Variants in SLC34A2 observed in about 807,000 individuals in gnomAD.
SLC34A2 encodes sodium-dependent phosphate transport protein 2B.
A neutral mutation model predicts 50.8 loss-of-function variants in SLC34A2; 41 were observed. The ratio of observed to expected loss-of-function variants is 0.81; its 90% CI spans 0.63 to 1.05. SLC34A2 has a LOEUF of 1.05. Among genes scored for constraint, SLC34A2 ranks in the 50% least tolerant of loss-of-function variants. SLC34A2 has a pLI of 0.00. For missense variants in SLC34A2, 879 were observed against 876.7 expected, an observed-to-expected ratio of 1.00 and a Z score of -0.03; for synonymous variants, 401 against 364.2, an observed-to-expected ratio of 1.10 and a Z score of -1.15.
chr4:25,661,999 A>C (rs1577490571), intron 1 of SLC34A2, among the ~76,000 whole-genome samples: 1 of 151,834 alleles, frequency 6.6e-6, no homozygotes. Context: ...CAGCCTCCCG[A>C]GTAGCTGGGA....
Position 25,669,985 on chromosome 4 carries a change from G to A in SLC34A2, c.831+143G>A. 3 of 799,940 alleles carry A rather than the reference G, an allele frequency of 3.8e-6. No individual in the cohort carries two copies. The South Asian group carries it at 4.4e-5, about 12-fold the overall frequency. 49.6% of individuals were successfully genotyped at this position (799,940 alleles called of 1,614,324 possible). A position where few individuals can be genotyped will look rare whatever the true frequency, so the allele number is the denominator to read the frequency against. On this transcript the variant is annotated intron_variant, in intron 7 of 12. Transcript: ENST00000382051. The stretch of plus-strand genomic sequence containing the variant: ...CCCTTGTTTTCCCAGCACTTTGGGA[G>A]GCCGAGGCAGGTGGATTGCTTGAGG...
At chr4:25,658,389 C>T (rs1470966117) in intron 1 of SLC34A2, among the ~76,000 whole-genome samples, 1 of 152,128 alleles carries the variant, frequency 6.6e-6, no homozygotes, top group Non-Finnish European at 1.5e-5. Context: ...CCCTGGGCTT[C>T]CTCCTCTCCC....
At chr4:25,656,173 G>A (rs1713870494) in intron 1 of SLC34A2, among the ~76,000 whole-genome samples, 1 of 152,172 alleles carries the variant, frequency 6.6e-6, no homozygotes, top group Non-Finnish European at 1.5e-5. Flanking sequence ...TGAGAGTCGT[G>A]GTTTGGAAGA....
intron 4 of SLC34A2, chr4:25,665,228 G>A (rs573899620): frequency 6.7e-5 from 12 of 179,544 alleles, no homozygotes; most frequent in East Asian, 1.8e-4. Flanking sequence ...GTGCATTGGC[G>A]TGATCTCAGC....
At position 25,676,732 on chromosome 4, in the gene SLC34A2, G is replaced by A. The variant is rs747570357; in HGVS notation, c.2056G>A (p.Glu686Lys). ...GGTCCCTGCCTCGGACTCAAAGACC[G>A]AATGCACGGCCTTGTAGGGGACGCC... ...GEVPASDSKTECTAL is the reference protein window; with the variant it reads ...GEVPASDSKTKCTAL Residue 686 changes from glutamate to lysine, a missense_variant, in exon 13 of 13, where the codon GAA (glutamate) becomes AAA (lysine). Coordinates refer to ENST00000382051, the MANE Select transcript of SLC34A2 (RefSeq NM_006424.3). 26 of 1,614,150 alleles carry A rather than the reference G, an allele frequency of 1.6e-5. No individual in the cohort carries two copies. In the Middle Eastern group the frequency reaches 1.5e-3, roughly 92 times the overall value.
In SLC34A2 at chr4:25,669,624, CTGTCGGGGT is replaced by C. The variant is rs1714704682; in HGVS notation, c.636-21_636-13del. 6.2e-7 allele frequency: 1 copy of C among 1,611,862 alleles called. No homozygotes were observed. Among genetic ancestry groups the C allele is most frequent in the Non-Finnish European group, 8.5e-7 (1 of 1,178,966 alleles). On this transcript the variant is annotated splice_polypyrimidine_tract_variant and intron_variant, in intron 6 of 12. Transcript: ENST00000382051. The stretch of plus-strand genomic sequence containing the variant: ...CCCACTTGCTTAGTGACTAATCTGG[CTGTCGGGGT>C]TTCCCTCCCATAGAGCTTTTGCAGG...
Position 25,662,725 on chromosome 4 carries a change from G to C in SLC34A2, c.133G>C (p.Val45Leu). The change falls in exon 3 of 13, where the codon GTA (valine) becomes CTA (leucine). Residue 45 changes from valine (V) to leucine (L), a missense_variant. Physicochemically the swap from Val to Leu is conservative, Grantham distance 32. Coordinates refer to ENST00000382051, the MANE Select transcript of SLC34A2 (RefSeq NM_006424.3). ...TNKTDNTEAP[V>L]TKIELLPSYS... Reference sequence around the variant, plus strand: ...TTCAGCAGATAACACTGAGGCACCTGTAACCAAGATTGAACTTCTGCCGTC... The same window carrying C: ...TTCAGCAGATAACACTGAGGCACCTCTAACCAAGATTGAACTTCTGCCGTC... The C allele has an allele frequency of 1.2e-6, 2 of 1,614,108 alleles. No individual in the cohort carries two copies. The highest frequency in any genetic ancestry group is 1.1e-5 in the South Asian group (1 of 91,076).
At chr4:25,655,943 ATTC>A (rs1713856824) in intron 1 of SLC34A2, 53 bp downstream of exon 1, 1 of 152,218 alleles carries the variant, frequency 6.6e-6, no homozygotes, top group South Asian at 2.1e-4. Flanking sequence ...AAGGACTTTG[ATTC>A]ACTTAATTCT....
intron 4 of SLC34A2, chr4:25,664,935 A>C: frequency 4.3e-6 from 1 of 232,054 alleles, no homozygotes. Flanking sequence ...TCTATCAAAC[A>C]TTCTTTCCCA....
intron 1 of SLC34A2, 34 bp from the exon 2 acceptor site, chr4:25,662,464 T>G (rs774592230): frequency 2.6e-5 from 42 of 1,586,896 alleles, no homozygotes; most frequent in Non-Finnish European, 3.6e-5. Context: ...CTCCTTTCCA[T>G]GACTGCTGCT....
intron 9 of SLC34A2, among the ~76,000 whole-genome samples, chr4:25,672,039 C>T (rs994603470): frequency 6.6e-6 from 1 of 152,120 alleles, no homozygotes; most frequent in Non-Finnish European, 1.5e-5. Flanking sequence ...TTCCTTTAGT[C>T]AATAACTCTA....
intron 1 of SLC34A2, among the ~76,000 whole-genome samples, chr4:25,661,579 G>C (rs766654354): frequency 3.3e-5 from 5 of 152,042 alleles, no homozygotes; most frequent in Non-Finnish European, 5.9e-5. Flanking sequence ...GTAGAGACAG[G>C]GTTTTGACAC....
rs750598263 is a variant in SLC34A2 at position 25,667,925 on chromosome 4, T to A, written c.569T>A (p.Ile190Asn). ...ATCCCCATTATCATGGGGGCCAACATTGGAACGTCAATCACCAACACTATT... is the reference window on the plus strand; with the variant it reads ...ATCCCCATTATCATGGGGGCCAACAATGGAACGTCAATCACCAACACTATT... ...AAIPIIMGAN[I>N]GTSITNTIVA... is the part of the protein sequence containing the mutation. The change falls in exon 6 of 13, where the codon ATT (isoleucine) becomes AAT (asparagine). Residue 190 changes from isoleucine (I) to asparagine (N), a missense_variant. By Grantham distance (149) the Ile-to-Asn change is moderately radical. Transcript: ENST00000382051. The A allele has an allele frequency of 8.1e-6, 13 of 1,613,976 alleles. No individual in the cohort carries two copies. Among genetic ancestry groups the A allele is most frequent in the Non-Finnish European group, 1.1e-5 (13 of 1,179,960 alleles).
At position 25,662,523 on chromosome 4, in the gene SLC34A2, G is replaced by A. The variant is rs1714251389; in HGVS notation, c.23G>A (p.Gly8Glu). 6.2e-7 allele frequency: 1 copy of A among 1,614,020 alleles called. No individual in the cohort carries two copies. The highest frequency in any genetic ancestry group is 8.5e-7 in the Non-Finnish European group (1 of 1,180,004). Residue 8 changes from glycine (G) to glutamate (E), a missense_variant, in exon 2 of 13, where the codon GGA (glycine) becomes GAA (glutamate). Physicochemically the swap from Gly to Glu is moderately conservative, Grantham distance 98 (BLOSUM62 -2). Transcript: ENST00000382051. MAPWPEL[G>E]DAQPNPDKYL... The stretch of plus-strand genomic sequence containing the variant: ...ACCATGGCTCCCTGGCCTGAATTGG[G>A]AGATGCCCAGCCCAACCCCGATAAG...
At position 25,676,745 on chromosome 4, in the gene SLC34A2, T is replaced by A. The variant is rs1715154841; in HGVS notation, c.2069T>A (p.Leu690Ter). Residue 690 changes from leucine (L) to a stop codon, truncating the protein, a stop_gained, in exon 13 of 13, where the codon TTG (leucine) becomes TAG (stop). Coordinates refer to ENST00000382051, the MANE Select transcript of SLC34A2 (RefSeq NM_006424.3). LOFTEE classifies it high-confidence loss of function. ...GACTCAAAGACCGAATGCACGGCCTTGTAGGGGACGCCCCAGATTGTCAGG... is the reference window on the plus strand; with the variant it reads ...GACTCAAAGACCGAATGCACGGCCTAGTAGGGGACGCCCCAGATTGTCAGG... ...ASDSKTECTAL is the reference protein window; with the variant it reads ...ASDSKTECTA 6.2e-7 allele frequency: 1 copy of A among 1,614,122 alleles called. No homozygotes were observed. Among genetic ancestry groups the A allele is most frequent in the East Asian group, 2.2e-5 (1 of 44,870 alleles).
intron 9 of SLC34A2, 34 bp from the exon 10 acceptor site, chr4:25,673,053 T>G (rs1409372534): frequency 6.2e-7 from 1 of 1,611,922 alleles, no homozygotes; most frequent in Non-Finnish European, 8.5e-7. Context: ...GGTGGCTCCA[T>G]GCCCTCCTGA....
At chr4:25,669,542 G>A in intron 6 of SLC34A2, 105 bp from the exon 7 acceptor site, 2 of 983,238 alleles carry the variant, frequency 2.0e-6, no homozygotes, top group Non-Finnish European at 3.3e-6. Context: ...CACTTCCATA[G>A]GTGACACCTA....
At chr4:25,667,832 TC>T (rs1560237790) in intron 5 of SLC34A2, 47 bp from the exon 6 acceptor site, 1 of 1,288,696 alleles carries the variant, frequency 7.8e-7, no homozygotes, top group Non-Finnish European at 1.1e-6. Flanking sequence ...TTAGCCTGCC[TC>T]CAGGCTGCCT....
chr4:25,668,689 A>G (rs1366307856), intron 6 of SLC34A2, among the ~76,000 whole-genome samples: 1 of 151,788 alleles, frequency 6.6e-6, no homozygotes, highest in Non-Finnish European at 1.5e-5. Flanking sequence ...GGTCATAATT[A>G]TAACTTATTT....
Sources: gnomAD v4.1 joint callset for allele counts (sites outside exome capture counted in the v4.1 genomes callset) on GRCh38, gnomAD v4.1.1 for gene constraint, MANE v1.5 for transcripts, NCBI Gene and HGNC (gene_info 2026-07-23, HGNC 2026-07-21) for gene names.